GLT1D1: variants seen among roughly 807,000 people sequenced by gnomAD.
GLT1D1 encodes the protein glycosyltransferase 1 domain containing 1, also known as glycosyltransferase 1 domain-containing protein 1.
GLT1D1 carries 21 observed loss-of-function variants against 28.7 expected under a neutral mutation model. That is an observed-to-expected ratio of 0.73 (90% CI 0.52 to 1.05). The LOEUF (loss-of-function observed/expected upper bound fraction) is 1.05, where lower values mean the gene tolerates loss of function less well. Ranked by LOEUF, GLT1D1 falls within the 50% of genes least tolerant of loss-of-function variation. The probability of loss-of-function intolerance (pLI) is 0.00; values close to 1 mark genes in which losing one functional copy is unlikely to be tolerated. For missense variants in GLT1D1, 343 were observed against 330.6 expected, an observed-to-expected ratio of 1.04 and a Z score of -0.29; for synonymous variants, 147 against 124.8, an observed-to-expected ratio of 1.18 and a Z score of -1.19.
chr12:128,922,922 C>CAAAAAAA (rs149775593), intron 4 of GLT1D1, among the ~76,000 whole-genome samples: 1 of 97,598 alleles, frequency 1.0e-5, no homozygotes, highest in African/African-American at 4.0e-5. Context: ...GACTCCATCT[C>CAAAAAAA]AAAAAAAAAA....
chr12:128,962,909 C>A (rs913154283), intron 7 of GLT1D1, among the ~76,000 whole-genome samples: 2 of 152,098 alleles, frequency 1.3e-5, no homozygotes, highest in Non-Finnish European at 2.9e-5. Context: ...ACCATATTGG[C>A]CAGGCTGGTC....
intron 7 of GLT1D1, among the ~76,000 whole-genome samples, chr12:128,979,797 G>A (rs1388753161): frequency 1.3e-5 from 2 of 151,984 alleles, no homozygotes; most frequent in East Asian, 1.9e-4. Context: ...CCAACCTCCG[G>A]AGCATCCCGG....
At chr12:128,894,014 A>G (rs1245764750) in intron 3 of GLT1D1, among the ~76,000 whole-genome samples, 2 of 152,068 alleles carry the variant, frequency 1.3e-5, no homozygotes, top group Admixed American at 1.3e-4. Context: ...TCTTATTTTC[A>G]CAGGATAAAG....
chr12:128,903,048 T>C (rs536705100), intron 4 of GLT1D1, among the ~76,000 whole-genome samples: 4 of 151,480 alleles, frequency 2.6e-5, no homozygotes, highest in African/African-American at 9.7e-5. Context: ...AAAGAAATAT[T>C]TTACCTGTGG....
intron 5 of GLT1D1, among the ~76,000 whole-genome samples, chr12:128,946,843 T>G (rs1367722263): frequency 6.6e-6 from 1 of 151,344 alleles, no homozygotes; most frequent in Non-Finnish European, 1.5e-5. Context: ...GAGACGGGGT[T>G]TCGCCATGTT....
At chr12:128,917,595 A>G (rs146609265) in intron 4 of GLT1D1, among the ~76,000 whole-genome samples, 282 of 152,272 alleles carry the variant, frequency 1.9e-3, no homozygotes, top group Middle Eastern at 3.4e-3. Context: ...GCAAACTTCT[A>G]AGAAGAGACT....
chr12:128,969,280 A>ACTCT (rs375310886), intron 7 of GLT1D1, among the ~76,000 whole-genome samples: 4 of 117,864 alleles, frequency 3.4e-5, no homozygotes, highest in Non-Finnish European at 5.5e-5. Flanking sequence ...TCTCTCTCTC[A>ACTCT]CTCTCTCTCT....
intron 2 of GLT1D1, among the ~76,000 whole-genome samples, chr12:128,884,539 G>A (rs60924083): frequency 0.22 from 33,219 of 152,138 alleles, 3,882 homozygotes; most frequent in Admixed American, 0.29. Context: ...GAGGGGCCAG[G>A]CATGGTGGCT....
chr12:128,903,697 C>T (rs1377346565), intron 4 of GLT1D1, among the ~76,000 whole-genome samples: 1 of 151,530 alleles, frequency 6.6e-6, no homozygotes, highest in Non-Finnish European at 1.5e-5. Flanking sequence ...TTAGGAACGA[C>T]TCCTCCTTTA....
chr12:128,896,388 G>A (rs1472894202), intron 3 of GLT1D1, among the ~76,000 whole-genome samples: 1 of 151,954 alleles, frequency 6.6e-6, no homozygotes, highest in Non-Finnish European at 1.5e-5. Flanking sequence ...CCAATGCAAT[G>A]TAGAAATTTT....
At chr12:128,868,406 C>T (rs1167792232) in intron 1 of GLT1D1, among the ~76,000 whole-genome samples, 3 of 151,386 alleles carry the variant, frequency 2.0e-5, no homozygotes, top group Admixed American at 6.6e-5. Flanking sequence ...CAGGGAGGGT[C>T]GAGGTATTAG....
Position 128,983,994 on chromosome 12 carries a change from C to T in GLT1D1, c.*904C>T, listed in dbSNP as rs186853678. On this transcript the variant is annotated 3_prime_UTR_variant, in exon 8 of 8. Transcript: ENST00000281703. The surrounding 1 kb of genome is among the most constrained non-coding windows in gnomAD (Gnocchi z 4.7). ...CGCCATCATGGTAATGGTGGCCTCG[C>T]CCCATCCATGTCATCCATGTCACAT... 1.3e-5 allele frequency: 2 copies of T among 152,406 alleles called. No individual in the cohort carries two copies. Among genetic ancestry groups the T allele is most frequent in the East Asian group, 1.9e-4 (1 of 5,180 alleles). The allele number at this position is 152,406 out of a possible 1,614,324, so 9.4% of individuals were successfully genotyped here.
At chr12:128,960,494 G>A (rs112392244) in intron 7 of GLT1D1, among the ~76,000 whole-genome samples, 7,192 of 152,120 alleles carry the variant, frequency 0.047, 535 homozygotes, top group African/African-American at 0.16. Context: ...ACAGTGGCTC[G>A]TGCCTGTAAT....
chr12:128,977,467 T>TTTTTTTTTTTTTTTTTTG (rs1335745584), intron 7 of GLT1D1, among the ~76,000 whole-genome samples: 1 of 152,208 alleles, frequency 6.6e-6, no homozygotes, highest in East Asian at 1.9e-4. Context: ...GCTGTATTCT[T>TTTTTTTTTTTTTTTTTTG]AAAATATTGA....
At chr12:128,965,997 G>A (rs1321317614) in intron 7 of GLT1D1, among the ~76,000 whole-genome samples, 2 of 152,372 alleles carry the variant, frequency 1.3e-5, no homozygotes, top group African/African-American at 4.8e-5. Context: ...TGTTCACAGT[G>A]GCAGAGATGG....
At chr12:128,879,378 TTTTCTTTCTTTCTTTC>T (rs572806857) in intron 2 of GLT1D1, among the ~76,000 whole-genome samples, 1,763 of 69,918 alleles carry the variant, frequency 0.025, 74 homozygotes, top group Middle Eastern at 0.045. Context: ...ATTTTTTTCT[TTTTCTTTCTTTCTTTC>T]TTTCTTTCTT....
chr12:128,909,898 A>T (rs894973434), intron 4 of GLT1D1, among the ~76,000 whole-genome samples: 2 of 152,254 alleles, frequency 1.3e-5, no homozygotes, highest in African/African-American at 4.8e-5. Context: ...GGCCGTACAC[A>T]AGGACTTTGA....
intron 7 of GLT1D1, among the ~76,000 whole-genome samples, chr12:128,970,901 C>T (rs1317460797): frequency 3.3e-5 from 5 of 152,214 alleles, no homozygotes; most frequent in Admixed American, 6.5e-5. Flanking sequence ...AGCTGTCCCT[C>T]GCAGGGACTC....
chr12:128,945,431 C>T, intron 5 of GLT1D1, 62 bp downstream of exon 9: 1 of 1,275,582 alleles, frequency 7.8e-7, no homozygotes, highest in Non-Finnish European at 1.1e-6. Context: ...CCCTGGGTTA[C>T]CTGAACTCAC....
Sources: gnomAD v4.1 joint callset for allele counts (sites outside exome capture counted in the v4.1 genomes callset) on GRCh38, gnomAD v4.1.1 for gene constraint, Gnocchi (gnomAD v3.1) non-coding constraint, MANE v1.5 for transcripts, NCBI Gene and HGNC (gene_info 2026-07-23, HGNC 2026-07-21) for gene names.